PLXNA4: variants seen among roughly 807,000 people sequenced by gnomAD.
The protein encoded by PLXNA4 is plexin-A4.
In PLXNA4, 44 loss-of-function variants were observed where a neutral mutation model predicts 191.8. That is an observed-to-expected ratio of 0.23 (90% CI 0.18 to 0.29). The LOEUF (loss-of-function observed/expected upper bound fraction) is 0.29, where lower values mean the gene tolerates loss of function less well. Among genes scored for constraint, PLXNA4 ranks in the 10% least tolerant of loss-of-function variants. The probability of loss-of-function intolerance (pLI) is 1.00; values close to 1 mark genes in which losing one functional copy is unlikely to be tolerated. For synonymous variants in PLXNA4, 1,082 were observed against 1,009.5 expected, an observed-to-expected ratio of 1.07 and a Z score of -1.36; for missense variants, 1,800 against 2,488.8, an observed-to-expected ratio of 0.72 and a Z score of 5.89.
At chr7:132,185,520 T>G (rs1796850517) in intron 15 of PLXNA4, 57 bp from the exon 16 acceptor site, 1 of 1,561,266 alleles carries the variant, frequency 6.4e-7, no homozygotes, top group East Asian at 2.3e-5. Context: ...ACAGAGGTCC[T>G]GAGTCAAGGC....
chr7:132,331,248 A>G (rs1174000282), intron 3 of PLXNA4, among the ~76,000 whole-genome samples: 1 of 152,266 alleles, frequency 6.6e-6, no homozygotes, highest in Non-Finnish European at 1.5e-5. Flanking sequence ...GAAGATGGAT[A>G]TGGGAGCATC....
chr7:132,421,853 A>AT (rs1172876724), intron 3 of PLXNA4, among the ~76,000 whole-genome samples: 6 of 152,158 alleles, frequency 3.9e-5, no homozygotes, highest in African/African-American at 1.4e-4. Context: ...AGAGTATCGC[A>AT]GTGGGAACCC....
chr7:132,304,328 C>T (rs1801427923), intron 3 of PLXNA4, among the ~76,000 whole-genome samples: 1 of 152,090 alleles, frequency 6.6e-6, no homozygotes, highest in Non-Finnish European at 1.5e-5. Flanking sequence ...TAGATAGTTC[C>T]AGAACAGCAC....
chr7:132,368,677 G>T (rs891336671), intron 3 of PLXNA4, among the ~76,000 whole-genome samples: 5 of 152,334 alleles, frequency 3.3e-5, no homozygotes, highest in Middle Eastern at 3.4e-3. Context: ...TGGGCACCAT[G>T]CCCGTCCCCA....
intron 2 of PLXNA4, among the ~76,000 whole-genome samples, chr7:132,491,960 C>T (rs2075421): frequency 0.079 from 12,089 of 152,224 alleles, 707 homozygotes; most frequent in East Asian, 0.28. Flanking sequence ...ACCTGCCAGG[C>T]CTTCCAAGGG....
At chr7:132,215,052 C>A (rs1453290988) in intron 9 of PLXNA4, among the ~76,000 whole-genome samples, 1 of 152,178 alleles carries the variant, frequency 6.6e-6, no homozygotes, top group Non-Finnish European at 1.5e-5. Context: ...TCCAAAAGAC[C>A]CATCTCCCTT....
At chr7:132,265,836 G>T (rs1012187909) in intron 4 of PLXNA4, among the ~76,000 whole-genome samples, 1 of 152,152 alleles carries the variant, frequency 6.6e-6, no homozygotes, top group Admixed American at 6.5e-5. Context: ...GCAGGATGGG[G>T]GTCCCAAAGG....
chr7:132,305,427 C>T (rs1348796642), intron 3 of PLXNA4, among the ~76,000 whole-genome samples: 3 of 149,002 alleles, frequency 2.0e-5, no homozygotes, highest in Admixed American at 6.7e-5. Flanking sequence ...GGTATCCAGG[C>T]ATCTGCATCC....
intron 3 of PLXNA4, among the ~76,000 whole-genome samples, chr7:132,366,933 TTTG>T (rs573582405): frequency 1.0e-3 from 158 of 152,120 alleles, no homozygotes; most frequent in African/African-American, 1.6e-3. Flanking sequence ...AGCTAATTTT[TTTG>T]TTGTTGTTAT....
At chr7:132,530,637 T>C (rs973722520) in intron 1 of PLXNA4, among the ~76,000 whole-genome samples, 4 of 152,210 alleles carry the variant, frequency 2.6e-5, no homozygotes, top group African/African-American at 7.2e-5. Flanking sequence ...ATACTGCTGG[T>C]GAAAGTGTAA....
At chr7:132,411,148 G>A (rs973619116) in intron 3 of PLXNA4, among the ~76,000 whole-genome samples, 1 of 152,168 alleles carries the variant, frequency 6.6e-6, no homozygotes, top group African/African-American at 2.4e-5. Flanking sequence ...AGAGAAAGGG[G>A]GACATTTAAC....
chr7:132,273,323 A>AACACAC (rs749633900), intron 4 of PLXNA4, among the ~76,000 whole-genome samples: 1 of 149,620 alleles, frequency 6.7e-6, no homozygotes, highest in Non-Finnish European at 1.5e-5. Flanking sequence ...ATTGGTTTTC[A>AACACAC]ACACACACAC....
At chr7:132,392,550 G>T (rs1793542494) in intron 3 of PLXNA4, among the ~76,000 whole-genome samples, 1 of 152,242 alleles carries the variant, frequency 6.6e-6, no homozygotes, top group African/African-American at 2.4e-5. Flanking sequence ...CCTGGCAGGT[G>T]ATGCTCCAGG....
At chr7:132,149,431 G>T (rs769527921) in intron 25 of PLXNA4, among the ~76,000 whole-genome samples, 2 of 152,160 alleles carry the variant, frequency 1.3e-5, no homozygotes, top group South Asian at 4.1e-4. Flanking sequence ...TACAAATCAC[G>T]TGTAGGTGGA....
chr7:132,358,049 G>A (rs1437820717), intron 3 of PLXNA4, among the ~76,000 whole-genome samples: 1 of 152,252 alleles, frequency 6.6e-6, no homozygotes, highest in Non-Finnish European at 1.5e-5. Context: ...TCTCAATGGA[G>A]ATGAGGATTT....
At chr7:132,526,898 C>T (rs1799422227) in intron 1 of PLXNA4, among the ~76,000 whole-genome samples, 1 of 152,124 alleles carries the variant, frequency 6.6e-6, no homozygotes, top group Non-Finnish European at 1.5e-5. Context: ...CAGACCCTGC[C>T]CCACGGTGGC....
At chr7:132,469,081 G>A (rs561010641) in intron 3 of PLXNA4, among the ~76,000 whole-genome samples, 6 of 124,294 alleles carry the variant, frequency 4.8e-5, no homozygotes, top group African/African-American at 1.3e-4. Context: ...TGGGTATCTC[G>A]TAGGGAAACT....
chr7:132,279,073 T>A (rs1800382610), intron 4 of PLXNA4, among the ~76,000 whole-genome samples: 1 of 152,206 alleles, frequency 6.6e-6, no homozygotes, highest in Non-Finnish European at 1.5e-5. Flanking sequence ...TTGTGCTCTC[T>A]GGATGTTCCA....
At chr7:132,132,380 TTGTTCTGTTCTGTTC>T (rs1156315109) in intron 31 of PLXNA4, among the ~76,000 whole-genome samples, 1,790 of 128,782 alleles carry the variant, frequency 0.014, 55 homozygotes, top group Middle Eastern at 0.021. Flanking sequence ...CACATTCTAT[TTGTTCTGTTCTGTTC>T]TGTTCTGTTC....
Sources: allele counts gnomAD v4.1 joint callset (sites outside exome capture counted in the v4.1 genomes callset), GRCh38; gene constraint gnomAD v4.1.1; transcripts MANE v1.5; gene names NCBI Gene and HGNC (gene_info 2026-07-23, HGNC 2026-07-21).